Variants in CYP11A1 observed in about 807,000 individuals in gnomAD.
CYP11A1 encodes the protein cytochrome P450 family 11 subfamily A member 1, also known as cholesterol side-chain cleavage enzyme, mitochondrial.
CYP11A1 carries 25 observed loss-of-function variants against 51.9 expected under a neutral mutation model. The ratio of observed to expected loss-of-function variants is 0.48; its 90% CI spans 0.35 to 0.67. CYP11A1 has a LOEUF of 0.67. Among genes scored for constraint, CYP11A1 ranks in the 30% least tolerant of loss-of-function variants. CYP11A1 has a pLI of 0.00. For synonymous variants in CYP11A1, 245 were observed against 262.1 expected (o/e 0.93, Z 0.63); for missense variants, 578 against 680.9 (o/e 0.85, Z 1.68).
chr15:74,364,982 G>A (rs1314095917), intron 1 of CYP11A1, among the ~76,000 whole-genome samples: 6 of 152,124 alleles, frequency 3.9e-5, no homozygotes, highest in African/African-American at 1.2e-4. Context: ...GAGGGAGGGA[G>A]CAGCTGAAGC....
chr15:74,354,909 G>A (rs559106357), intron 1 of CYP11A1, among the ~76,000 whole-genome samples: 79 of 152,198 alleles, frequency 5.2e-4, no homozygotes, highest in South Asian at 2.1e-4. Context: ...TAATCACTGC[G>A]GGGATGCCTG....
chr15:74,343,828 TC>T lies in CYP11A1; in HGVS notation c.789del (p.Trp263Ter). The T allele has an allele frequency of 1.2e-6, 2 of 1,613,362 alleles. No homozygotes were observed. Among genetic ancestry groups the T allele is most frequent in the Non-Finnish European group, 1.7e-6 (2 of 1,180,016 alleles). On this transcript the variant is annotated frameshift_variant, in exon 4 of 9. Transcript: ENST00000268053. LOFTEE classifies it high-confidence loss of function. Reference protein sequence around the residue: ...DLFRLFRTKTWKDHVAAWDVI... With the variant: ...DLFRLFRTKTXKDHVAAWDVI... The stretch of plus-strand genomic sequence containing the variant: ...ACGTCCCATGCAGCCACATGGTCCT[TC>T]CAGGTCTTGGTCCTGAACAGACGGA...
At chr15:74,346,278 G>A (rs112416661) in intron 2 of CYP11A1, among the ~76,000 whole-genome samples, 9,231 of 150,942 alleles carry the variant, frequency 0.061, 565 homozygotes, top group African/African-American at 0.15. Context: ...ACTTGAACCC[G>A]GGAGGCGGAG....
Position 74,338,459 on chromosome 15 carries a change from G to A in CYP11A1, c.1434+112C>T, listed in dbSNP as rs374689184. ...AGAGCAAGTAACTGGAGGTAGATGC[G>A]CCCCAGCACTGACATCCTTGGGCTC... On this transcript the variant is annotated intron_variant, in intron 8 of 8. Transcript: ENST00000268053. 9.0e-4 allele frequency: 1,012 copies of A among 1,124,748 alleles called. 15 individuals carry two copies. In the South Asian group the frequency reaches 0.012, roughly 13 times the overall value. The allele number at this position is 1,124,748 out of a possible 1,614,324, so 69.7% of individuals were successfully genotyped here. A position where few individuals can be genotyped will look rare whatever the true frequency, so the allele number is the denominator to read the frequency against.
At chr15:74,365,586 A>G in intron 1 of CYP11A1, 10 of 724,112 alleles carry the variant, frequency 1.4e-5, no homozygotes, top group Non-Finnish European at 1.7e-5. Flanking sequence ...TTTCAAAGGG[A>G]GTGGGATCTG....
chr15:74,348,228 C>T, intron 1 of CYP11A1, 173 bp from the exon 2 acceptor site: 2 of 660,014 alleles, frequency 3.0e-6, no homozygotes, highest in South Asian at 1.9e-5. Flanking sequence ...AAATACAGTA[C>T]CTGTCTCGCA....
Position 74,345,262 on chromosome 15 carries a change from A to G in CYP11A1, c.426-19T>C. 1 of 1,613,974 alleles carries G rather than the reference A, an allele frequency of 6.2e-7. No individual in the cohort carries two copies. The highest frequency in any genetic ancestry group is 8.5e-7 in the Non-Finnish European group (1 of 1,179,904). ...CGACTTCCTGAGAAAACATGGGCCC[A>G]CAAGCCCTCATGGTCACAGACCCCA... On this transcript the variant is annotated intron_variant, in intron 2 of 8. Coordinates refer to ENST00000268053, the MANE Select transcript of CYP11A1 (RefSeq NM_000781.3). This position sits in a 1 kb window ranked among gnomAD's most constrained non-coding sequence, Gnocchi z 4.3.
intron 1 of CYP11A1, among the ~76,000 whole-genome samples, chr15:74,352,961 A>G (rs1596164330): frequency 6.6e-6 from 1 of 152,204 alleles, no homozygotes; most frequent in East Asian, 1.9e-4. Context: ...AAGGGTTGTG[A>G]TATGGGGAAA....
Position 74,345,815 on chromosome 15 carries a change from C to T in CYP11A1, c.426-572G>A, listed in dbSNP as rs1291507245. ...TGAAATTCATCAATCCATGCAAAGTCCTCTTCGTGACTTGGGGGTGTTTTT... is the reference window on the plus strand; with the variant it reads ...TGAAATTCATCAATCCATGCAAAGTTCTCTTCGTGACTTGGGGGTGTTTTT... On this transcript the variant is annotated intron_variant, in intron 2 of 8. Transcript: ENST00000268053. The surrounding 1 kb of genome is among the most constrained non-coding windows in gnomAD (Gnocchi z 4.3). Among the ~76,000 whole-genome samples, 1 of 152,174 alleles carries T rather than the reference C, an allele frequency of 6.6e-6. No homozygotes were observed. Among genetic ancestry groups the T allele is most frequent in the Admixed American group, 6.5e-5 (1 of 15,270 alleles).
chr15:74,338,405 G>C, intron 8 of CYP11A1, 166 bp downstream of exon 8: 1 of 787,138 alleles, frequency 1.3e-6, no homozygotes. Context: ...CCCGAAAGAG[G>C]GGGCAGCAGA....
At chr15:74,361,876 G>A in intron 1 of CYP11A1, 2 of 1,128,052 alleles carry the variant, frequency 1.8e-6, no homozygotes, top group South Asian at 2.5e-5. Flanking sequence ...AATACAAACG[G>A]TTCCCAGTTT....
At chr15:74,362,621 C>G (rs983351726) in intron 1 of CYP11A1, 1 of 152,270 alleles carries the variant, frequency 6.6e-6, no homozygotes, top group African/African-American at 2.4e-5. Context: ...CACTGGAATG[C>G]TTAAGGTAAA....
At chr15:74,341,302 T>A (rs551979225) in intron 5 of CYP11A1, among the ~76,000 whole-genome samples, 1 of 152,168 alleles carries the variant, frequency 6.6e-6, no homozygotes, top group Non-Finnish European at 1.5e-5. Context: ...TTTGAAGATC[T>A]CTTCTACGTA....
At chr15:74,362,319 T>C (rs1322715304) in intron 1 of CYP11A1, 1 of 232,952 alleles carries the variant, frequency 4.3e-6, no homozygotes, top group Non-Finnish European at 8.4e-6. Context: ...TGGTCAGCCA[T>C]TTAAACATTT....
chr15:74,345,413 C>A lies in CYP11A1; in HGVS notation c.426-170G>T. 1.5e-6 allele frequency: 1 copy of A among 668,320 alleles called. No homozygotes were observed. The highest frequency in any genetic ancestry group is 2.7e-6 in the Non-Finnish European group (1 of 376,150). The allele number at this position is 668,320 out of a possible 1,614,324, so 41.4% of individuals were successfully genotyped here. On this transcript the variant is annotated intron_variant, in intron 2 of 8. Coordinates refer to ENST00000268053, the MANE Select transcript of CYP11A1 (RefSeq NM_000781.3). The surrounding 1 kb of genome is among the most constrained non-coding windows in gnomAD (Gnocchi z 4.3). Reference sequence around the variant, plus strand: ...CCGAGCACCCTCTGCCTCTCACCTCCTCCCTGCTCTGCCTGGCTGGGAGAA... The same window carrying A: ...CCGAGCACCCTCTGCCTCTCACCTCATCCCTGCTCTGCCTGGCTGGGAGAA...
At chr15:74,344,071 C>T (rs1395560533) in intron 3 of CYP11A1, 79 bp from the exon 4 acceptor site, 5 of 1,123,790 alleles carry the variant, frequency 4.4e-6, no homozygotes, top group African/African-American at 1.5e-5. Context: ...ACTCCTCCAC[C>T]CTCACCTCCC....
chr15:74,346,414 C>G (rs948332988), intron 2 of CYP11A1, among the ~76,000 whole-genome samples: 1 of 149,590 alleles, frequency 6.7e-6, no homozygotes, highest in Non-Finnish European at 1.5e-5. Context: ...GCCAGACTTG[C>G]TTTTTTCACT....
chr15:74,362,991 T>C (rs969736372), intron 1 of CYP11A1: 1 of 152,252 alleles, frequency 6.6e-6, no homozygotes, highest in Non-Finnish European at 1.5e-5. Context: ...TCCTTCACTC[T>C]TCTGAAAGGG....
chr15:74,345,307 G>C lies in CYP11A1; in HGVS notation c.426-64C>G, dbSNP rs571225194. 57 of 1,579,960 alleles carry C rather than the reference G, an allele frequency of 3.6e-5. No homozygotes were observed. In the South Asian group the frequency reaches 5.9e-4, roughly 16 times the overall value. The stretch of plus-strand genomic sequence containing the variant: ...ACCCCAGGCCTGGTGAACACAGAGG[G>C]GGCTGACTCAGTTTTCCCAGGAAGC... On this transcript the variant is annotated intron_variant, in intron 2 of 8. Transcript: ENST00000268053. The surrounding 1 kb of genome is among the most constrained non-coding windows in gnomAD (Gnocchi z 4.3).
Sources: allele counts gnomAD v4.1 joint callset (sites outside exome capture counted in the v4.1 genomes callset), GRCh38; gene constraint gnomAD v4.1.1; non-coding constraint Gnocchi (gnomAD v3.1); transcripts MANE v1.5; gene names NCBI Gene and HGNC (gene_info 2026-07-23, HGNC 2026-07-21).